The following DNAJB11 variants were observed in gnomAD, a reference collection of about 807,000 sequenced individuals.
The protein encoded by DNAJB11 is DnaJ heat shock protein family (Hsp40) member B11.
A neutral mutation model predicts 47.2 loss-of-function variants in DNAJB11; 30 were observed. The ratio of observed to expected loss-of-function variants is 0.64; its 90% CI spans 0.48 to 0.86. The LOEUF (loss-of-function observed/expected upper bound fraction) is 0.86, where lower values mean the gene tolerates loss of function less well. DNAJB11 is among the 40% of genes least tolerant of loss of function. The pLI is 0.00. For synonymous variants in DNAJB11, 151 were observed against 159.9 expected (o/e 0.94, Z 0.42); for missense variants, 357 against 440.2 (o/e 0.81, Z 1.69).
chr3:186,580,549 AGT>A (rs1386444061), intron 4 of DNAJB11: 4 of 152,208 alleles, frequency 2.6e-5, no homozygotes, highest in African/African-American at 9.7e-5. Context: ...AATATGTAAA[AGT>A]GTTTGGCACA....
At chr3:186,583,842 T>C (rs1231136948) in intron 7 of DNAJB11, 23 bp from the exon 8 acceptor site, 1 of 1,574,824 alleles carries the variant, frequency 6.3e-7, no homozygotes, top group South Asian at 1.1e-5. Flanking sequence ...AAATTAATGA[T>C]TTTTACCTTA....
intron 1 of DNAJB11, 107 bp downstream of exon 1, chr3:186,571,072 G>A: frequency 1.9e-6 from 2 of 1,060,788 alleles, no homozygotes; most frequent in South Asian, 1.5e-5. Flanking sequence ...GTGGAGAGGG[G>A]CATCGCTGTG....
chr3:186,585,298 G>C (rs1453701033), intron 9 of DNAJB11, 46 bp from the exon 10 acceptor site: 2 of 1,516,448 alleles, frequency 1.3e-6, no homozygotes, highest in Non-Finnish European at 1.8e-6. Flanking sequence ...CGCTAGGAAA[G>C]TAACATTTTT....
chr3:186,577,406 A>G (rs1286939147), intron 3 of DNAJB11, among the ~76,000 whole-genome samples: 1 of 152,322 alleles, frequency 6.6e-6, no homozygotes, highest in East Asian at 1.9e-4. Context: ...GTGTGTATGT[A>G]CTGTACTATA....
At chr3:186,583,173 G>A (rs532712941) in intron 7 of DNAJB11, among the ~76,000 whole-genome samples, 1 of 152,204 alleles carries the variant, frequency 6.6e-6, no homozygotes, top group Non-Finnish European at 1.5e-5. Flanking sequence ...CTTCTCTTCA[G>A]CATGAAGTGC....
chr3:186,581,115 T>C (rs2108483460), intron 4 of DNAJB11: 1 of 386,540 alleles, frequency 2.6e-6, no homozygotes, highest in African/African-American at 2.1e-5. Context: ...TATTTTTCGG[T>C]TCTCTTGTTT....
At chr3:186,582,595 C>T (rs998414079) in intron 6 of DNAJB11, 121 bp from the exon 7 acceptor site, 27 of 751,408 alleles carry the variant, frequency 3.6e-5, no homozygotes, top group African/African-American at 5.3e-5. Flanking sequence ...GAGACACTGC[C>T]GTCACAGATT....
chr3:186,584,482 A>C lies in DNAJB11; in HGVS notation c.905A>C (p.Lys302Thr). ...ITRPGAKLWK[K>T]GEGLPNFDNN... ...AGGCCAGGAGCGAAGCTATGGAAGAAAGGGGAAGGGCTCCCCAACTTTGAC... is the reference window on the plus strand; with the variant it reads ...AGGCCAGGAGCGAAGCTATGGAAGACAGGGGAAGGGCTCCCCAACTTTGAC... Residue 302 changes from lysine to threonine, a missense_variant, in exon 9 of 10, where the codon AAA becomes ACA. By Grantham distance (78) the Lys-to-Thr change is moderately conservative (BLOSUM62 -1). Coordinates refer to ENST00000265028, the MANE Select transcript of DNAJB11 (RefSeq NM_016306.6). 1.3e-6 allele frequency: 2 copies of C among 1,598,294 alleles called. No homozygotes were observed. Among genetic ancestry groups the C allele is most frequent in the Non-Finnish European group, 1.7e-6 (2 of 1,175,216 alleles).
intron 4 of DNAJB11, 137 bp from the exon 5 acceptor site, chr3:186,581,234 C>T: frequency 1.0e-6 from 1 of 987,478 alleles, no homozygotes; most frequent in Non-Finnish European, 1.5e-6. Context: ...GTTTTGTCAG[C>T]TTTAGATCTC....
At position 186,582,698 on chromosome 3, in the gene DNAJB11, G is replaced by A. The variant is rs1289102839; in HGVS notation, c.683-18G>A. 3.2e-6 allele frequency: 5 copies of A among 1,577,980 alleles called. No individual in the cohort carries two copies. Among genetic ancestry groups the A allele is most frequent in the African/African-American group, 2.7e-5 (2 of 74,490 alleles). ...CAACTTGTATGATTTACAATATGCT[G>A]TAATCTGCTCTGACTAGGTGAGCCT... is the stretch of plus-strand genomic sequence containing the variant. On this transcript the variant is annotated intron_variant, in intron 6 of 9. Coordinates refer to ENST00000265028, the MANE Select transcript of DNAJB11 (RefSeq NM_016306.6).
Position 186,585,770 on chromosome 3 carries a change from T to C in DNAJB11, c.*362T>C, listed in dbSNP as rs376775507. On this transcript the variant is annotated 3_prime_UTR_variant, in exon 10 of 10. Transcript: ENST00000265028. ...AATGCCAACTGGAGAAGTCTGTTTT[T>C]AAATACATTTTGTTGTTATTTTTTT... 1.2e-5 allele frequency: 2 copies of C among 161,128 alleles called. No homozygotes were observed. Among genetic ancestry groups the C allele is most frequent in the African/African-American group, 4.8e-5 (2 of 41,730 alleles). The allele number at this position is 161,128 out of a possible 1,614,324, so 10.0% of individuals were successfully genotyped here. A position where few individuals can be genotyped will look rare whatever the true frequency, so the allele number is the denominator to read the frequency against.
At chr3:186,578,391 G>A (rs930701391) in intron 4 of DNAJB11, 7 of 151,982 alleles carry the variant, frequency 4.6e-5, no homozygotes, top group African/African-American at 1.7e-4. Context: ...ATATCTCTTG[G>A]GTGGATATGC....
intron 7 of DNAJB11, 29 bp downstream of exon 7, chr3:186,582,802 C>G (rs752417041): frequency 1.3e-6 from 2 of 1,513,424 alleles, no homozygotes; most frequent in Non-Finnish European, 9.0e-7. Context: ...GAGGTCTTCT[C>G]AGATGAGTCA....
chr3:186,577,975 T>C, intron 4 of DNAJB11, 175 bp downstream of exon 4: 1 of 436,890 alleles, frequency 2.3e-6, no homozygotes, highest in Non-Finnish European at 3.9e-6. Flanking sequence ...GTCATTGTTT[T>C]ATCACCCAGC....
intron 2 of DNAJB11, among the ~76,000 whole-genome samples, chr3:186,573,754 T>C (rs1189393178): frequency 7.2e-5 from 11 of 152,208 alleles, no homozygotes; most frequent in Admixed American, 6.5e-4. Context: ...TCCTAAATTA[T>C]ATGTAATATT....
Position 186,584,541 on chromosome 3 carries a change from T to A in DNAJB11, c.964T>A (p.Phe322Ile), listed in dbSNP as rs761158805. ...TATCAAGGGCTCTTTGATAATCACT[T>A]TTGATGTGGATTTTCCAAAAGAACA... ...NNIKGSLIIT[F>I]DVDFPKEQLT... Residue 322 changes from phenylalanine (F) to isoleucine (I), a missense_variant, in exon 9 of 10, where the codon TTT becomes ATT. Phe to Ile is a conservative substitution (Grantham distance 21). Transcript: ENST00000265028. 10 of 1,599,086 alleles carry A rather than the reference T, an allele frequency of 6.3e-6. No homozygotes were observed. In the Admixed American group the frequency reaches 1.6e-4, roughly 26 times the overall value.
chr3:186,578,644 T>C (rs1715380465), intron 4 of DNAJB11: 1 of 152,226 alleles, frequency 6.6e-6, no homozygotes, highest in Admixed American at 6.5e-5. Context: ...TCAGCATCTC[T>C]TCCTGTGTTT....
chr3:186,576,979 C>T (rs1011792501), intron 3 of DNAJB11, among the ~76,000 whole-genome samples: 1 of 152,174 alleles, frequency 6.6e-6, no homozygotes, highest in Non-Finnish European at 1.5e-5. Context: ...CAAAAATTAA[C>T]ATTAGATTAA....
intron 2 of DNAJB11, among the ~76,000 whole-genome samples, chr3:186,573,425 G>A (rs552895304): frequency 6.6e-6 from 1 of 151,970 alleles, no homozygotes; most frequent in African/African-American, 2.4e-5. Flanking sequence ...CGCTCTGTCT[G>A]CCAAGCTGGA....
Sources: allele counts gnomAD v4.1 joint callset (sites outside exome capture counted in the v4.1 genomes callset), GRCh38; gene constraint gnomAD v4.1.1; transcripts MANE v1.5; gene names NCBI Gene and HGNC (gene_info 2026-07-23, HGNC 2026-07-21).